Variants in PATJ observed in about 807,000 individuals in gnomAD.
PATJ encodes the protein PATJ crumbs cell polarity complex component.
In PATJ, 190 loss-of-function variants were observed where a neutral mutation model predicts 224.9. The ratio of observed to expected loss-of-function variants is 0.84; its 90% CI spans 0.75 to 0.95. The LOEUF is 0.95. Among genes scored for constraint, PATJ ranks in the 40% least tolerant of loss-of-function variants. PATJ has a pLI of 0.00. For missense variants in PATJ, 2,121 were observed against 2,270.3 expected (o/e 0.93, Z 1.34); for synonymous variants, 769 against 820.3 (o/e 0.94, Z 1.07).
In PATJ at chr1:61,886,819, C is replaced by CAAAAAAAAAAAAAA. The variant is rs35950461; in HGVS notation, c.3131+2423_3131+2424insAAAAAAAAAAAAAA. 5.9e-3 allele frequency among the ~76,000 whole-genome samples: 520 copies of CAAAAAAAAAAAAAA among 87,446 alleles called. 153 individuals are homozygous for CAAAAAAAAAAAAAA. The highest frequency in any genetic ancestry group is 9.3e-3 in the Admixed American group (78 of 8,428). The allele number at this position is 87,446 out of a possible 152,430, so 57.4% of individuals were successfully genotyped here. A position where few individuals can be genotyped will look rare whatever the true frequency, so the allele number is the denominator to read the frequency against. On this transcript the variant is annotated intron_variant, in intron 22 of 43. Coordinates refer to ENST00000642238, the MANE Select transcript of PATJ (RefSeq NM_001350145.3). ...TGGGCAACAGAGCAAGACCCCATCT[C>CAAAAAAAAAAAAAA]AAAAAAAAAAAATTAGCCTGTTGTG...
intron 21 of PATJ, 141 bp from the exon 22 acceptor site, chr1:61,884,096 C>G (rs1318988379): frequency 6.2e-6 from 3 of 486,502 alleles, no homozygotes; most frequent in Non-Finnish European, 1.1e-5. Flanking sequence ...TATATTAAAG[C>G]CTTTATTTAT....
chr1:62,094,819 A>G (rs1190998071), intron 33 of PATJ, among the ~76,000 whole-genome samples: 2 of 152,154 alleles, frequency 1.3e-5, no homozygotes, highest in African/African-American at 4.8e-5. Context: ...GAATATTAGG[A>G]TATATAGACT....
intron 28 of PATJ, 126 bp from the exon 29 acceptor site, chr1:62,017,729 CA>C (rs58692636): frequency 0.11 from 33,772 of 318,444 alleles, 172 homozygotes; most frequent in African/African-American, 0.18. Context: ...GAGACTGTCT[CA>C]AAAAAAAAAA....
intron 41 of PATJ, among the ~76,000 whole-genome samples, chr1:62,134,825 G>A (rs1666654745): frequency 6.6e-6 from 1 of 152,142 alleles, no homozygotes; most frequent in African/African-American, 2.4e-5. Flanking sequence ...CCCACATGGA[G>A]TTGCTGAGCC....
intron 43 of PATJ, among the ~76,000 whole-genome samples, chr1:62,160,487 T>C (rs1409522504): frequency 1.3e-5 from 2 of 152,248 alleles, no homozygotes; most frequent in Non-Finnish European, 2.9e-5. Context: ...GATAGCTTAA[T>C]AATGCAATGG....
At position 62,051,011 on chromosome 1, in the gene PATJ, G is replaced by C. The variant is rs2498982; in HGVS notation, c.4078G>C (p.Val1360Leu). Residue 1360 changes from valine to leucine, a missense_variant, in exon 31 of 44, where the codon GTC (valine) becomes CTC (leucine). Transcript: ENST00000642238. Reference sequence around the variant, plus strand: ...TATTAGTAGTGAGGAAGATGGCAGCGTCGAAGTTGGTATTAAACAATTGCC... The same window carrying C: ...TATTAGTAGTGAGGAAGATGGCAGCCTCGAAGTTGGTATTAAACAATTGCC... Reference protein sequence around the residue: ...EPISSEEDGSVEVGIKQLPES... With the variant: ...EPISSEEDGSLEVGIKQLPES... 0.55 allele frequency: 891,805 copies of C among 1,612,526 alleles called. 250,779 individuals carry two copies. The highest frequency in any genetic ancestry group is 0.72 in the African/African-American group (54,293 of 74,936).
At chr1:61,813,242 A>G (rs1335212125) in intron 14 of PATJ, among the ~76,000 whole-genome samples, 1 of 150,596 alleles carries the variant, frequency 6.6e-6, no homozygotes, top group African/African-American at 2.4e-5. Flanking sequence ...CTCTTTCTCC[A>G]GGCAGAAGAT....
intron 17 of PATJ, 60 bp downstream of exon 17, chr1:61,833,845 G>T: frequency 6.7e-7 from 1 of 1,494,900 alleles, no homozygotes. Context: ...TAAAGTTATG[G>T]GAAGTAGCAA....
chr1:61,933,312 A>G (rs1023010607), intron 27 of PATJ, among the ~76,000 whole-genome samples: 3 of 152,036 alleles, frequency 2.0e-5, no homozygotes, highest in African/African-American at 7.2e-5. Context: ...AGGCTGAGGC[A>G]GGCGAATTAC....
At chr1:62,107,499 G>T (rs1485684835) in intron 33 of PATJ, among the ~76,000 whole-genome samples, 1 of 152,140 alleles carries the variant, frequency 6.6e-6, no homozygotes, top group Non-Finnish European at 1.5e-5. Context: ...ACAGGAGGGG[G>T]ATGAGGGTGG....
chr1:62,076,526 C>T (rs1162093629), intron 31 of PATJ, among the ~76,000 whole-genome samples: 1 of 152,174 alleles, frequency 6.6e-6, no homozygotes, highest in Non-Finnish European at 1.5e-5. Context: ...CATCCATCAC[C>T]ACACATACCG....
chr1:61,813,392 C>A (rs113138219), intron 14 of PATJ, among the ~76,000 whole-genome samples: 5 of 115,378 alleles, frequency 4.3e-5, no homozygotes, highest in Non-Finnish European at 7.5e-5. Context: ...CACACACACA[C>A]ACACACATAC....
chr1:61,982,256 G>A (rs1205835208), intron 27 of PATJ, among the ~76,000 whole-genome samples: 1 of 152,008 alleles, frequency 6.6e-6, no homozygotes, highest in Non-Finnish European at 1.5e-5. Context: ...ACATTTTAGG[G>A]TATTGTGTTC....
rs142866847 is a variant in PATJ, at chr1:62,160,032, G to A, written c.5503-876G>A. ...GAGGGCCAAGTGCCTGTGGGCTTTG[G>A]TTGCCCACTGAAGTTTGACCTCATT... On this transcript the variant is annotated intron_variant, in intron 43 of 43. Transcript: ENST00000642238. Among the ~76,000 whole-genome samples, 521 of 152,074 alleles carry A rather than the reference G, an allele frequency of 3.4e-3. 2 individuals carry two copies. The highest frequency in any genetic ancestry group is 0.012 in the African/African-American group (494 of 41,490).
intron 28 of PATJ, among the ~76,000 whole-genome samples, chr1:62,005,411 G>T: frequency 7.4e-6 from 1 of 135,400 alleles, no homozygotes; most frequent in Non-Finnish European, 1.5e-5. Flanking sequence ...TATTCAATAT[G>T]ATGTGGTTTT....
chr1:62,080,535 T>A (rs907740481), intron 32 of PATJ, among the ~76,000 whole-genome samples: 1 of 152,032 alleles, frequency 6.6e-6, no homozygotes, highest in African/African-American at 2.4e-5. Context: ...TTTCACCATG[T>A]TGGCCAGGCT....
intron 26 of PATJ, among the ~76,000 whole-genome samples, chr1:61,920,702 CTTTTTTTTTTT>C (rs71582652): frequency 1.1e-5 from 1 of 89,508 alleles, no homozygotes. Flanking sequence ...GTATGGAATT[CTTTTTTTTTTT>C]TTTTTTTTTT....
chr1:61,921,721 G>A (rs1674364733), intron 26 of PATJ, among the ~76,000 whole-genome samples: 1 of 151,656 alleles, frequency 6.6e-6, no homozygotes, highest in South Asian at 2.1e-4. Flanking sequence ...TTGTAAAAAA[G>A]TCTAGAAAAT....
intron 14 of PATJ, among the ~76,000 whole-genome samples, chr1:61,816,047 C>T (rs765414715): frequency 4.6e-5 from 7 of 152,142 alleles, no homozygotes; most frequent in Admixed American, 2.0e-4. Context: ...ACACCAGGTC[C>T]TGCTCTCTGG....
Sources: allele counts gnomAD v4.1 joint callset (sites outside exome capture counted in the v4.1 genomes callset), GRCh38; gene constraint gnomAD v4.1.1; transcripts MANE v1.5; gene names NCBI Gene and HGNC (gene_info 2026-07-23, HGNC 2026-07-21).